Variants in TSPAN7 observed in about 807,000 individuals in gnomAD.
TSPAN7 encodes tetraspanin-7.
A neutral mutation model predicts 17.6 loss-of-function variants in TSPAN7; 1 was observed. That is an observed-to-expected ratio of 0.06 (90% CI 0.02 to 0.27). The LOEUF is 0.27. Ranked by LOEUF, TSPAN7 falls within the 10% of genes least tolerant of loss-of-function variation. The probability of loss-of-function intolerance (pLI) is 1.00; values close to 1 mark genes in which losing one functional copy is unlikely to be tolerated. For missense variants in TSPAN7, 112 were observed against 201.7 expected (o/e 0.56, Z 2.69); for synonymous variants, 78 against 79.0 (o/e 0.99, Z 0.07).
At chrX:38,645,918 T>TA (rs61053240) in intron 1 of TSPAN7, among the ~76,000 whole-genome samples, 14,523 of 111,717 alleles carry the variant, frequency 0.13, 820 homozygotes, top group East Asian at 0.25. Flanking sequence ...CTGGTTAGTA[T>TA]ATTAGAGAAA....
chrX:38,682,853 A>G (rs776185749), intron 6 of TSPAN7, among the ~76,000 whole-genome samples: 2 of 112,136 alleles, frequency 1.8e-5, no homozygotes, highest in Admixed American at 9.4e-5. Flanking sequence ...ACTGAGGGAC[A>G]TTTTAGAGGA....
intron 1 of TSPAN7, among the ~76,000 whole-genome samples, chrX:38,598,626 G>A (rs1246045382): frequency 9.0e-6 from 1 of 110,859 alleles, no homozygotes; most frequent in Non-Finnish European, 1.9e-5. Context: ...ATCTTTTATA[G>A]GAGTTTCTGG....
At chrX:38,626,918 G>A (rs1026601471) in intron 1 of TSPAN7, among the ~76,000 whole-genome samples, 2 of 111,269 alleles carry the variant, frequency 1.8e-5, no homozygotes, top group Non-Finnish European at 3.8e-5. Context: ...ACTGGCTTTG[G>A]CTGGGGTAAT....
chrX:38,647,426 A>G (rs2069650974), intron 1 of TSPAN7, among the ~76,000 whole-genome samples: 4 of 112,051 alleles, frequency 3.6e-5, no homozygotes. Context: ...CTTGTCTGTG[A>G]TACAAAATTT....
chrX:38,658,460 A>T (rs2069718487), intron 1 of TSPAN7, among the ~76,000 whole-genome samples: 1 of 111,131 alleles, frequency 9.0e-6, no homozygotes, highest in Non-Finnish European at 1.9e-5. Context: ...GATTATAGGC[A>T]CAAGCCACTG....
At chrX:38,667,916 C>T (rs1307027279) in intron 2 of TSPAN7, among the ~76,000 whole-genome samples, 1 of 112,502 alleles carries the variant, frequency 8.9e-6, no homozygotes, top group Non-Finnish European at 1.9e-5. Context: ...TTGAAGTAGA[C>T]TCCTCAGTGG....
At chrX:38,586,195 C>T (rs2069258008) in intron 1 of TSPAN7, among the ~76,000 whole-genome samples, 1 of 112,153 alleles carries the variant, frequency 8.9e-6, no homozygotes, top group African/African-American at 3.2e-5. Context: ...CTCAGTGGCT[C>T]AGAGACCTGG....
intron 1 of TSPAN7, among the ~76,000 whole-genome samples, chrX:38,663,526 C>G (rs951725700): frequency 8.9e-6 from 1 of 111,838 alleles, no homozygotes; most frequent in Non-Finnish European, 1.9e-5. Flanking sequence ...AACCAAACAC[C>G]ACTTGTTCCC....
At chrX:38,672,047 C>T (rs2069824337) in intron 3 of TSPAN7, among the ~76,000 whole-genome samples, 1 of 110,274 alleles carries the variant, frequency 9.1e-6, no homozygotes, top group African/African-American at 3.3e-5. Flanking sequence ...GATCCTGTCT[C>T]TATTTTTTGT....
intron 1 of TSPAN7, among the ~76,000 whole-genome samples, chrX:38,572,009 TA>T (rs1319847969): frequency 9.3e-6 from 1 of 107,291 alleles, no homozygotes; most frequent in Non-Finnish European, 1.9e-5. Context: ...AGGGGGAATC[TA>T]TTTTTTTTCA....
chrX:38,636,758 C>A lies in TSPAN7; in HGVS notation c.82-29363C>A, dbSNP rs191189744. Among the ~76,000 whole-genome samples the A allele has an allele frequency of 2.8e-3, 305 of 110,668 alleles. 1 individual carries two copies. The highest frequency in any genetic ancestry group is 9.4e-3 in the African/African-American group (287 of 30,396). On this transcript the variant is annotated intron_variant, in intron 1 of 7. Transcript: ENST00000378482. ...TCGCGCGATCTTGGCTCACTGCAAC[C>A]TCCGCCTCCCGGGTTCAAGCAATTC...
intron 1 of TSPAN7, among the ~76,000 whole-genome samples, chrX:38,562,744 C>T (rs1483882324): frequency 9.0e-6 from 1 of 111,371 alleles, no homozygotes; most frequent in Non-Finnish European, 1.9e-5. Flanking sequence ...CCCCGTCTTC[C>T]CTAGTTCCTT....
intron 1 of TSPAN7, chrX:38,562,886 C>A: frequency 1.4e-6 from 1 of 703,652 alleles, no homozygotes; most frequent in Non-Finnish European, 1.8e-6. Context: ...GTAGGAAAAG[C>A]CAGTTCAACC....
intron 1 of TSPAN7, among the ~76,000 whole-genome samples, chrX:38,660,623 T>C (rs2069738228): frequency 8.9e-6 from 1 of 112,373 alleles, no homozygotes; most frequent in Non-Finnish European, 1.9e-5. Context: ...TGTGTGTAGT[T>C]GCTATGAAGG....
At chrX:38,659,325 A>C (rs1262141950) in intron 1 of TSPAN7, among the ~76,000 whole-genome samples, 4 of 111,819 alleles carry the variant, frequency 3.6e-5, no homozygotes, top group African/African-American at 1.3e-4. Flanking sequence ...AGGTCCAGAA[A>C]TGAGCCAACT....
intron 1 of TSPAN7, among the ~76,000 whole-genome samples, chrX:38,598,269 C>G (rs1371904085): frequency 9.0e-6 from 1 of 110,850 alleles, no homozygotes; most frequent in Non-Finnish European, 1.9e-5. Flanking sequence ...CTGATCCTAT[C>G]CCTCCTCTCT....
chrX:38,678,976 TAGG>T lies in TSPAN7; in HGVS notation c.598-2227_598-2225del, dbSNP rs1353421687. Among the ~76,000 whole-genome samples, 4 of 111,676 alleles carry T rather than the reference TAGG, an allele frequency of 3.6e-5. No individual in the cohort carries two copies. The Admixed American group carries it at 3.8e-4, about 11-fold the overall frequency. On this transcript the variant is annotated intron_variant, in intron 5 of 7. Coordinates refer to ENST00000378482, the MANE Select transcript of TSPAN7 (RefSeq NM_004615.4). Reference sequence around the variant, plus strand: ...CAATTCTGCATTTCTAACAAGCTCCTAGGTGAAGAAATACTGCTCATTCAAGAT... The same window carrying T: ...CAATTCTGCATTTCTAACAAGCTCCTTGAAGAAATACTGCTCATTCAAGAT...
At chrX:38,610,742 C>G (rs1039174712) in intron 1 of TSPAN7, among the ~76,000 whole-genome samples, 13 of 112,303 alleles carry the variant, frequency 1.2e-4, no homozygotes, top group African/African-American at 4.2e-4. Flanking sequence ...TGAGTTTTCT[C>G]AGAGGTGAGC....
intron 1 of TSPAN7, among the ~76,000 whole-genome samples, chrX:38,599,879 C>T (rs765164426): frequency 3.6e-5 from 4 of 112,018 alleles, no homozygotes; most frequent in African/African-American, 1.3e-4. Flanking sequence ...CCCAATAGCA[C>T]TCCCATGCTC....
Sources: gnomAD v4.1 joint callset for allele counts (sites outside exome capture counted in the v4.1 genomes callset) on GRCh38, gnomAD v4.1.1 for gene constraint, MANE v1.5 for transcripts, NCBI Gene and HGNC (gene_info 2026-07-23, HGNC 2026-07-21) for gene names.